The following MAST2 variants were observed in gnomAD, a reference collection of about 807,000 sequenced individuals.
MAST2 encodes the protein microtubule associated serine/threonine kinase 2.
Under a neutral mutation model 147.4 loss-of-function variants are expected in MAST2, and 70 were observed. The ratio of observed to expected loss-of-function variants is 0.47; its 90% CI spans 0.39 to 0.58. MAST2 has a LOEUF of 0.58. Ranked by LOEUF, MAST2 falls within the 20% of genes least tolerant of loss-of-function variation. The pLI, the probability that MAST2 is intolerant of heterozygous loss-of-function variation, is 0.00. For missense variants in MAST2, 2,080 were observed against 2,302.3 expected (o/e 0.90, Z 1.98); for synonymous variants, 869 against 896.8 (o/e 0.97, Z 0.55).
rs746849659 is a variant in MAST2 at position 46,031,239 on chromosome 1, C to T, written c.2941C>T (p.Arg981Trp). 28 of 1,538,644 alleles carry T rather than the reference C, an allele frequency of 1.8e-5. No homozygotes were observed. The highest frequency in any genetic ancestry group is 2.5e-5 in the South Asian group (2 of 79,788). ...GPVTEHSGEQRPKLDEEAVGR... is the reference protein window; with the variant it reads ...GPVTEHSGEQWPKLDEEAVGR... ...TGTCACTGAACACTCAGGGGAGCAGCGGCCAAAGCTGGATGAGGAAGCTGT... is the reference window on the plus strand; with the variant it reads ...TGTCACTGAACACTCAGGGGAGCAGTGGCCAAAGCTGGATGAGGAAGCTGT... The change falls in exon 23 of 29, where the codon CGG becomes TGG. Residue 981 changes from arginine to tryptophan, a missense_variant. Physicochemically the swap from Arg to Trp is moderately radical, Grantham distance 101. Coordinates refer to ENST00000361297, the MANE Select transcript of MAST2 (RefSeq NM_015112.3). This position sits in a 1 kb window ranked among gnomAD's most constrained non-coding sequence, Gnocchi z 4.1.
intron 4 of MAST2, among the ~76,000 whole-genome samples, chr1:45,943,849 C>T (rs2148817693): frequency 6.6e-6 from 1 of 152,316 alleles, no homozygotes; most frequent in Non-Finnish European, 1.5e-5. Context: ...GGAAATAACA[C>T]TACTGATAGC....
chr1:45,843,079 T>G (rs144470152), intron 3 of MAST2, among the ~76,000 whole-genome samples: 123 of 152,338 alleles, frequency 8.1e-4, no homozygotes, highest in African/African-American at 2.7e-3. Flanking sequence ...TTTGACCATT[T>G]ATATATCTTC....
At chr1:46,010,221 C>T (rs1194919573) in intron 9 of MAST2, among the ~76,000 whole-genome samples, 1 of 152,222 alleles carries the variant, frequency 6.6e-6, no homozygotes, top group Non-Finnish European at 1.5e-5. Context: ...AGTGCCCATA[C>T]ACTAAGTTTA....
At chr1:45,996,042 T>C (rs1645042331) in intron 5 of MAST2, among the ~76,000 whole-genome samples, 1 of 151,804 alleles carries the variant, frequency 6.6e-6, no homozygotes, top group Non-Finnish European at 1.5e-5. Flanking sequence ...CTGCTTGAAG[T>C]TGTCCTACAG....
chr1:45,827,397 C>T (rs1336589350), intron 2 of MAST2, among the ~76,000 whole-genome samples: 1 of 152,142 alleles, frequency 6.6e-6, no homozygotes, highest in Admixed American at 6.5e-5. Context: ...ATGCTTCAGT[C>T]TTTACTGGTG....
chr1:45,970,543 C>T (rs2148985531), intron 5 of MAST2, among the ~76,000 whole-genome samples: 1 of 151,918 alleles, frequency 6.6e-6, no homozygotes, highest in East Asian at 1.9e-4. Context: ...TGGCAGCTGC[C>T]TGTAGTCCCA....
At chr1:45,875,774 C>T (rs1646579767) in intron 3 of MAST2, among the ~76,000 whole-genome samples, 1 of 151,928 alleles carries the variant, frequency 6.6e-6, no homozygotes. Flanking sequence ...AAATAGAGAA[C>T]AGAGAAGGAG....
intron 5 of MAST2, among the ~76,000 whole-genome samples, chr1:45,970,666 T>TAAAAAAA (rs1364812040): frequency 8.3e-5 from 3 of 36,314 alleles, no homozygotes; most frequent in Admixed American, 3.4e-4. Flanking sequence ...AGACTCTGTC[T>TAAAAAAA]CAAAAAAAAA....
chr1:45,843,957 T>C (rs1369283689), intron 3 of MAST2, among the ~76,000 whole-genome samples: 1 of 152,238 alleles, frequency 6.6e-6, no homozygotes, highest in African/African-American at 2.4e-5. Flanking sequence ...AATTCGGAGC[T>C]GAATTTCATC....
Position 46,031,409 on chromosome 1 carries a change from G to A in MAST2, c.3011G>A (p.Arg1004His), listed in dbSNP as rs543929859. The change falls in exon 24 of 29, where the codon CGT (arginine) becomes CAT (histidine). Residue 1004 changes from arginine (R) to histidine (H), a missense_variant. Physicochemically the swap from Arg to His is conservative, Grantham distance 29. This residue lies in a region of MAST2 where 1,278 missense variants were observed against 1,304.2 expected (regional missense o/e 0.98). Coordinates refer to ENST00000361297, the MANE Select transcript of MAST2 (RefSeq NM_015112.3). The surrounding 1 kb of genome is among the most constrained non-coding windows in gnomAD (Gnocchi z 4.1). ...CCTACAGCTATGGAGACCCGAGGCCGTGGGACCTCACAGCTGGCTGAGGGA... is the reference window on the plus strand; with the variant it reads ...CCTACAGCTATGGAGACCCGAGGCCATGGGACCTCACAGCTGGCTGAGGGA... ...GSSPAMETRG[R>H]GTSQLAEGAT... 59 of 1,613,116 alleles carry A rather than the reference G, an allele frequency of 3.7e-5. No homozygotes were observed. The highest frequency in any genetic ancestry group is 1.6e-4 in the Middle Eastern group (1 of 6,078).
chr1:45,960,443 T>A (rs978175799), intron 5 of MAST2, among the ~76,000 whole-genome samples: 6 of 151,960 alleles, frequency 3.9e-5, no homozygotes, highest in African/African-American at 1.4e-4. Flanking sequence ...CCTGAGCCCA[T>A]GGAGGTTGAG....
chr1:45,905,730 C>T (rs972710063), intron 4 of MAST2, among the ~76,000 whole-genome samples: 1 of 151,284 alleles, frequency 6.6e-6, no homozygotes, highest in Non-Finnish European at 1.5e-5. Context: ...GAGCTGAGAT[C>T]GCGCCACTGC....
chr1:46,011,580 C>T (rs1287547197), intron 10 of MAST2, among the ~76,000 whole-genome samples: 1 of 152,188 alleles, frequency 6.6e-6, no homozygotes, highest in East Asian at 1.9e-4. Flanking sequence ...GGCCAGATGC[C>T]ATCTCACTCA....
At chr1:45,966,157 C>G (rs564588851) in intron 5 of MAST2, among the ~76,000 whole-genome samples, 1 of 152,154 alleles carries the variant, frequency 6.6e-6, no homozygotes, top group African/African-American at 2.4e-5. Context: ...CTTAGTAATA[C>G]GTACTGAAGT....
At chr1:46,024,071 A>C in intron 15 of MAST2, 91 bp downstream of exon 15, 1 of 1,257,308 alleles carries the variant, frequency 8.0e-7, no homozygotes, top group Non-Finnish European at 1.2e-6. Context: ...ACAGAGGTGA[A>C]GTTTCAGGGC....
In MAST2 at chr1:46,034,199, C is replaced by A. The variant is rs574854533; in HGVS notation, c.3801C>A (p.His1267Gln). The change falls in exon 28 of 29, where the codon CAC (histidine) becomes CAA (glutamine). Residue 1267 changes from histidine to glutamine, a missense_variant. Around this residue, in one of 4 missense-constraint regions of MAST2, gnomAD observed 1,278 missense variants for 1,304.2 expected, o/e 0.98. Transcript: ENST00000361297. ...AGAGTGGGCCAGGCTCTCCCACACA[C>A]AGCCACAGCCTTTCCCCCCGATCTC... ...SGESGPGSPTHSHSLSPRSPT... is the reference protein window; with the variant it reads ...SGESGPGSPTQSHSLSPRSPT... 6.9e-5 allele frequency: 112 copies of A among 1,614,156 alleles called. 2 individuals are homozygous for A. In the South Asian group the frequency reaches 1.2e-3, roughly 17 times the overall value.
intron 4 of MAST2, among the ~76,000 whole-genome samples, chr1:45,956,866 G>A (rs188941420): frequency 1.3e-5 from 2 of 152,048 alleles, no homozygotes; most frequent in Non-Finnish European, 2.9e-5. Flanking sequence ...ATCATCTCTT[G>A]GCATACATAC....
rs1203859769 is a variant in MAST2 at position 46,023,219 on chromosome 1, C to T, written c.1486-14C>T. 2.5e-6 allele frequency: 4 copies of T among 1,611,808 alleles called. No homozygotes were observed. Among genetic ancestry groups the T allele is most frequent in the Non-Finnish European group, 3.4e-6 (4 of 1,177,864 alleles). ...GAAGCATGCCTGTCTCCTGCCTTTT[C>T]CCTTGTCTTCCAGGGCCATGGGGCA... On this transcript the variant is annotated splice_polypyrimidine_tract_variant and intron_variant, in intron 13 of 28. Coordinates refer to ENST00000361297, the MANE Select transcript of MAST2 (RefSeq NM_015112.3). This position sits in a 1 kb window ranked among gnomAD's most constrained non-coding sequence, Gnocchi z 4.9.
At chr1:45,816,732 G>A (rs1054135677) in intron 1 of MAST2, among the ~76,000 whole-genome samples, 7 of 152,088 alleles carry the variant, frequency 4.6e-5, no homozygotes, top group African/African-American at 1.4e-4. Context: ...CCAGGCTGTA[G>A]TGCAGTGGCG....
Sources: gnomAD v4.1 joint callset for allele counts (sites outside exome capture counted in the v4.1 genomes callset) on GRCh38, gnomAD v4.1.1 for gene constraint, gnomAD v4.1.1 regional missense constraint, Gnocchi (gnomAD v3.1) non-coding constraint, MANE v1.5 for transcripts, NCBI Gene and HGNC (gene_info 2026-07-23, HGNC 2026-07-21) for gene names.